ITGA7: variants seen among roughly 807,000 people sequenced by gnomAD.
The protein encoded by ITGA7 is integrin subunit alpha 7, also known as integrin alpha-7.
In ITGA7, 84 loss-of-function variants were observed where a neutral mutation model predicts 131.6. That is an observed-to-expected ratio of 0.64 (90% CI 0.54 to 0.77). ITGA7 has a LOEUF of 0.77. ITGA7 is among the 30% of genes least tolerant of loss of function. ITGA7 has a pLI of 0.00. For missense variants in ITGA7, 1,399 were observed against 1,482.9 expected (o/e 0.94, Z 0.93); for synonymous variants, 548 against 600.7 (o/e 0.91, Z 1.28).
In ITGA7 at chr12:55,694,408, C is replaced by T. The variant is rs114596578; in HGVS notation, c.2357+35G>A. On this transcript the variant is annotated intron_variant, in intron 17 of 24. Transcript: ENST00000257879. This position sits in a 1 kb window ranked among gnomAD's most constrained non-coding sequence, Gnocchi z 5.3. ...GGGTCAGATGAGGTCAATATGACTA[C>T]CCCCACCTCACCCTTCCGGCCCCGC... 2 of 1,612,276 alleles carry T rather than the reference C, an allele frequency of 1.2e-6. No homozygotes were observed. The highest frequency in any genetic ancestry group is 1.7e-6 in the Non-Finnish European group (2 of 1,178,372).
At chr12:55,690,889 T>C (rs1871283904) in intron 21 of ITGA7, among the ~76,000 whole-genome samples, 1 of 152,018 alleles carries the variant, frequency 6.6e-6, no homozygotes, top group African/African-American at 2.4e-5. Context: ...AAACACCGCA[T>C]ATTCTCACTC....
rs1247713221 is a variant in ITGA7, at chr12:55,694,411, CCACCT to C, written c.2357+27_2357+31del. The C allele has an allele frequency of 1.2e-6, 2 of 1,613,060 alleles. No homozygotes were observed. The highest frequency in any genetic ancestry group is 2.2e-5 in the South Asian group (2 of 91,056). On this transcript the variant is annotated intron_variant, in intron 17 of 24. Coordinates refer to ENST00000257879, the MANE Select transcript of ITGA7 (RefSeq NM_002206.3). The surrounding 1 kb of genome is among the most constrained non-coding windows in gnomAD (Gnocchi z 5.3). Reference sequence around the variant, plus strand: ...TCAGATGAGGTCAATATGACTACCCCCACCTCACCCTTCCGGCCCCGCCTGGCTTA... The same window carrying C: ...TCAGATGAGGTCAATATGACTACCCCCACCCTTCCGGCCCCGCCTGGCTTA...
Position 55,694,022 on chromosome 12 carries a change from G to A in ITGA7, c.2534C>T (p.Thr845Met), listed in dbSNP as rs55654066. The change falls in exon 19 of 25, where the codon ACG becomes ATG. Residue 845 changes from threonine to methionine, a missense_variant and splice_region_variant. Physicochemically the swap from Thr to Met is moderately conservative, Grantham distance 81 (BLOSUM62 -1). Transcript: ENST00000257879. This position sits in a 1 kb window ranked among gnomAD's most constrained non-coding sequence, Gnocchi z 5.3. ...AGGGGCCTCATCCCTGACACTTACC[G>A]TGACCTCATACTTGACCTTGCTGCC... ...DVGSKVKYEV[T>M]VSNQGQSLRT... 5.7e-5 allele frequency: 92 copies of A among 1,611,960 alleles called. No homozygotes were observed. The highest frequency in any genetic ancestry group is 4.2e-4 in the East Asian group (19 of 44,828).
chr12:55,707,982 G>A, upstream of ITGA7: 2 of 1,287,090 alleles, frequency 1.6e-6, no homozygotes, highest in Non-Finnish European at 2.0e-6. Flanking sequence ...GCGGCAGGTG[G>A]AGACCCAAGC....
intron 4 of ITGA7, 95 bp from the exon 5 acceptor site, chr12:55,700,084 G>A (rs540314019): frequency 6.6e-7 from 1 of 1,507,476 alleles, no homozygotes; most frequent in Non-Finnish European, 9.2e-7. Context: ...GAAAATGGTG[G>A]AAGAAGAAGA....
chr12:55,697,180 C>T, intron 11 of ITGA7, 36 bp downstream of exon 11: 1 of 1,575,028 alleles, frequency 6.3e-7, no homozygotes, highest in Non-Finnish European at 8.6e-7. Context: ...CTGGGAAACC[C>T]AAAAGGGCGA....
In ITGA7 at chr12:55,707,595, G is replaced by C. The variant is rs766789927; in HGVS notation, c.88C>G (p.Arg30Gly). 6.2e-7 allele frequency: 1 copy of C among 1,613,436 alleles called. No homozygotes were observed. Among genetic ancestry groups the C allele is most frequent in the African/African-American group, 1.3e-5 (1 of 74,916 alleles). The change falls in exon 1 of 25, where the codon CGG (arginine) becomes GGG (glycine). Residue 30 changes from arginine to glycine, a missense_variant. Transcript: ENST00000257879. ...ACGTCCAGATTGAAGGCGACAGCCCGTGAGAAGAGCAGTTCGACGAGCAGG... is the reference window on the plus strand; with the variant it reads ...ACGTCCAGATTGAAGGCGACAGCCCCTGAGAAGAGCAGTTCGACGAGCAGG... ...GSLLVELLFS[R>G]AVAFNLDVMG...
At chr12:55,689,135 G>A (rs766032546) in intron 21 of ITGA7, among the ~76,000 whole-genome samples, 178 bp from the exon 22 acceptor site, 14 of 152,198 alleles carry the variant, frequency 9.2e-5, no homozygotes, top group East Asian at 1.9e-4. Context: ...TTTGAAATGC[G>A]TGGAGGGGGC....
intron 14 of ITGA7, chr12:55,695,254 A>G (rs1872384931): frequency 1.7e-6 from 1 of 595,594 alleles, no homozygotes; most frequent in South Asian, 2.0e-5. Flanking sequence ...TTCCTACCTC[A>G]CAGAGGTTTG....
rs532496537 is a variant in ITGA7 at position 55,698,193 on chromosome 12, C to A, written c.1193-167G>T. 1.2e-4 allele frequency: 102 copies of A among 829,862 alleles called. No homozygotes were observed. The East Asian group carries it at 2.4e-3, about 20-fold the overall frequency. The allele number at this position is 829,862 out of a possible 1,614,324, so 51.4% of individuals were successfully genotyped here. A position where few individuals can be genotyped will look rare whatever the true frequency, so the allele number is the denominator to read the frequency against. The stretch of plus-strand genomic sequence containing the variant: ...CTTTAATCCTCTTGGCCACTCCCTG[C>A]AGATATTACTAACGCAAAAAGGTTA... On this transcript the variant is annotated intron_variant, in intron 7 of 24. Transcript: ENST00000257879.
Position 55,698,492 on chromosome 12 carries a change from C to T in ITGA7, c.1083G>A (p.Gln361=), listed in dbSNP as rs978579046. 35 of 1,613,964 alleles carry T rather than the reference C, an allele frequency of 2.2e-5. No homozygotes were observed. Among genetic ancestry groups the T allele is most frequent in the Admixed American group, 8.3e-5 (5 of 59,994 alleles). The part of the protein sequence containing the change: ...LGGAVYVYLN[Q]GGHWAGISPL... Reference sequence around the variant, plus strand: ...GGGAGATCCCAGCCCAGTGACCCCCCTGGTTCAAGTACACATACACAGCAC... The same window carrying T: ...GGGAGATCCCAGCCCAGTGACCCCCTTGGTTCAAGTACACATACACAGCAC... Residue 361 remains glutamine, a synonymous_variant, in exon 7 of 25, where the codon CAG becomes CAA. Transcript: ENST00000257879.
rs780342658 is a variant in ITGA7, at chr12:55,694,436, G to A, written c.2357+7C>T. ...CCACCTCACCCTTCCGGCCCCGCCTGGCTTACGTGGCCAACAGCAGCTCTA... is the reference window on the plus strand; with the variant it reads ...CCACCTCACCCTTCCGGCCCCGCCTAGCTTACGTGGCCAACAGCAGCTCTA... On this transcript the variant is annotated splice_region_variant and intron_variant, in intron 17 of 24. Coordinates refer to ENST00000257879, the MANE Select transcript of ITGA7 (RefSeq NM_002206.3). The surrounding 1 kb of genome is among the most constrained non-coding windows in gnomAD (Gnocchi z 5.3). The A allele has an allele frequency of 4.3e-6, 7 of 1,614,172 alleles. No homozygotes were observed. The highest frequency in any genetic ancestry group is 5.1e-6 in the Non-Finnish European group (6 of 1,179,990).
At chr12:55,701,480 A>G in intron 3 of ITGA7, 4 of 1,513,648 alleles carry the variant, frequency 2.6e-6, no homozygotes, top group Non-Finnish European at 3.6e-6. Flanking sequence ...TGATCATGTC[A>G]CAGTCCTCCA....
At position 55,686,313 on chromosome 12, in the gene ITGA7, C is replaced by T. The variant is rs373387064; in HGVS notation, c.3184-1025G>A. Reference sequence around the variant, plus strand: ...CTGGCTGCTCCGATGGAAGAAGCCACACTAGGATGTCGAGGGAGAAGCAGG... The same window carrying T: ...CTGGCTGCTCCGATGGAAGAAGCCATACTAGGATGTCGAGGGAGAAGCAGG... On this transcript the variant is annotated intron_variant, in intron 24 of 24. Coordinates refer to ENST00000257879, the MANE Select transcript of ITGA7 (RefSeq NM_002206.3). 1.3e-4 allele frequency: 172 copies of T among 1,332,634 alleles called. 1 individual carries two copies. The African/African-American group carries it at 2.4e-3, about 19-fold the overall frequency. 82.6% of individuals were successfully genotyped at this position (1,332,634 alleles called of 1,614,324 possible).
chr12:55,698,204 A>T, intron 7 of ITGA7, 178 bp from the exon 8 acceptor site: 1 of 832,388 alleles, frequency 1.2e-6, no homozygotes, highest in Non-Finnish European at 1.9e-6. Context: ...AGATATTACT[A>T]ACGCAAAAAG....
intron 4 of ITGA7, chr12:55,700,358 C>A: frequency 6.2e-7 from 1 of 1,610,476 alleles, no homozygotes; most frequent in Non-Finnish European, 8.5e-7. Context: ...GCCAGGTCCG[C>A]TGAGCCCTGT....
intron 2 of ITGA7, 22 bp downstream of exon 2, chr12:55,703,029 C>T (rs763027155): frequency 6.2e-7 from 1 of 1,614,070 alleles, no homozygotes; most frequent in South Asian, 1.1e-5. Context: ...GCTTCCCCCA[C>T]TCTGTTCATG....
chr12:55,712,337 AC>A, upstream of ITGA7: 2 of 1,015,804 alleles, frequency 2.0e-6, no homozygotes, highest in Non-Finnish European at 3.0e-6. Flanking sequence ...ACTTAGCCAC[AC>A]CACCACCAAC....
At chr12:55,699,700 A>C (rs1873519470) in intron 5 of ITGA7, 170 bp downstream of exon 5, 2 of 859,076 alleles carry the variant, frequency 2.3e-6, no homozygotes, top group Non-Finnish European at 3.7e-6. Context: ...TCCTCCTCTT[A>C]GGCCTGATCA....
Sources: gnomAD v4.1 joint callset for allele counts (sites outside exome capture counted in the v4.1 genomes callset) on GRCh38, gnomAD v4.1.1 for gene constraint, Gnocchi (gnomAD v3.1) non-coding constraint, MANE v1.5 for transcripts, NCBI Gene and HGNC (gene_info 2026-07-23, HGNC 2026-07-21) for gene names.